SMYD3: variants seen among roughly 807,000 people sequenced by gnomAD.
SMYD3 encodes the protein SET and MYND domain containing 3, also known as histone-lysine N-methyltransferase SMYD3.
SMYD3 carries 36 observed loss-of-function variants against 57.7 expected under a neutral mutation model. The observed-to-expected ratio is 0.62, with a 90% CI of 0.48 to 0.82. The LOEUF (loss-of-function observed/expected upper bound fraction) is 0.82. Among genes scored for constraint, SMYD3 ranks in the 40% least tolerant of loss-of-function variants. The pLI, the probability that SMYD3 is intolerant of heterozygous loss-of-function variation, is 0.00. For missense variants in SMYD3, 515 were observed against 538.8 expected (o/e 0.96, Z 0.44); for synonymous variants, 211 against 195.0 (o/e 1.08, Z -0.68).
chr1:245,902,090 TC>T (rs2054224685), intron 8 of SMYD3, among the ~76,000 whole-genome samples: 1 of 152,044 alleles, frequency 6.6e-6, no homozygotes, highest in South Asian at 2.1e-4. Flanking sequence ...GCCCCTCCAT[TC>T]CACATCCCTG....
intron 5 of SMYD3, among the ~76,000 whole-genome samples, chr1:245,934,326 G>A (rs1224451666): frequency 6.6e-6 from 1 of 152,056 alleles, no homozygotes; most frequent in Non-Finnish European, 1.5e-5. Context: ...CTGCCCCCCG[G>A]CACCCCGACT....
chr1:246,314,807 A>G (rs1409880712), intron 5 of SMYD3, among the ~76,000 whole-genome samples: 1 of 152,218 alleles, frequency 6.6e-6, no homozygotes, highest in Non-Finnish European at 1.5e-5. Context: ...ATCATTAGAC[A>G]AGCTAATCTA....
At chr1:245,768,845 T>G (rs1284388570) in intron 10 of SMYD3, among the ~76,000 whole-genome samples, 1 of 152,064 alleles carries the variant, frequency 6.6e-6, no homozygotes, top group African/African-American at 2.4e-5. Context: ...GCTGGCACCT[T>G]CATCTTGGAT....
At chr1:245,856,354 C>T (rs1188628321) in intron 10 of SMYD3, among the ~76,000 whole-genome samples, 1 of 152,100 alleles carries the variant, frequency 6.6e-6, no homozygotes, top group Non-Finnish European at 1.5e-5. Context: ...CTTGAAATAC[C>T]ACCAAAAAGC....
At position 245,962,387 on chromosome 1, in the gene SMYD3, T is replaced by G. The variant is rs147184564; in HGVS notation, c.532-32450A>C. The stretch of plus-strand genomic sequence containing the variant: ...CCTGATGTTGTCAGAAGTGTAGTTT[T>G]GCGGATGTTGATCCCAGAATTGTGA... On this transcript the variant is annotated intron_variant, in intron 5 of 11. Coordinates refer to ENST00000490107, the MANE Select transcript of SMYD3 (RefSeq NM_001167740.2). 7.2e-4 allele frequency among the ~76,000 whole-genome samples: 110 copies of G among 152,332 alleles called. No homozygotes were observed. In the East Asian group the frequency reaches 0.017, roughly 23 times the overall value.
At position 246,156,000 on chromosome 1, in the gene SMYD3, AT is replaced by A. The variant is rs1420378793; in HGVS notation, c.531+171200del. Among the ~76,000 whole-genome samples the A allele has an allele frequency of 6.6e-4, 101 of 151,976 alleles. 1 individual carries two copies. The highest frequency in any genetic ancestry group is 1.7e-3 in the African/African-American group (70 of 41,454). ...AGACTATGTCTTCAAAAAAAAAAAA[AT>A]ATATCGACCTCTAAGAATCACATTT... is the stretch of plus-strand genomic sequence containing the variant. On this transcript the variant is annotated intron_variant, in intron 5 of 11. Coordinates refer to ENST00000490107, the MANE Select transcript of SMYD3 (RefSeq NM_001167740.2).
chr1:245,842,295 T>C (rs1558410532), intron 10 of SMYD3, among the ~76,000 whole-genome samples: 2 of 152,232 alleles, frequency 1.3e-5, no homozygotes, highest in Admixed American at 6.5e-5. Flanking sequence ...TAAATGTGCA[T>C]ATCTGAAAAC....
chr1:246,499,106 G>A (rs1052349511), intron 1 of SMYD3, among the ~76,000 whole-genome samples: 1 of 151,766 alleles, frequency 6.6e-6, no homozygotes, highest in Non-Finnish European at 1.5e-5. Context: ...CCAGACTTTA[G>A]AGAGACATGA....
intron 2 of SMYD3, among the ~76,000 whole-genome samples, chr1:246,351,823 TTG>T (rs2148700290): frequency 6.6e-6 from 1 of 152,226 alleles, no homozygotes. Flanking sequence ...AAACATATCC[TTG>T]TATTGCTTAT....
At chr1:245,831,455 C>T (rs2049829132) in intron 10 of SMYD3, among the ~76,000 whole-genome samples, 1 of 152,208 alleles carries the variant, frequency 6.6e-6, no homozygotes, top group Non-Finnish European at 1.5e-5. Flanking sequence ...TTCTCATGTG[C>T]TATTCTGCCA....
intron 5 of SMYD3, among the ~76,000 whole-genome samples, chr1:245,989,842 T>C (rs5019956): frequency 0.65 from 99,432 of 152,120 alleles, 35,456 homozygotes; most frequent in Non-Finnish European, 0.8. Context: ...AATGAAATTA[T>C]GTTTTCTATA....
chr1:245,859,298 T>C (rs748478211), intron 9 of SMYD3, among the ~76,000 whole-genome samples: 1 of 152,194 alleles, frequency 6.6e-6, no homozygotes, highest in Non-Finnish European at 1.5e-5. Flanking sequence ...AAATATGTTA[T>C]TTTAAACCCC....
rs930474855 is a variant in SMYD3 at position 245,864,953 on chromosome 1, T to G, written c.814-1067A>C. On this transcript the variant is annotated intron_variant, in intron 8 of 11. Transcript: ENST00000490107. ...ACACTGAAAAAATTCAAAAGAAAAT[T>G]ATGAGCTACCATGTATGAAATGTCT... Among the ~76,000 whole-genome samples, 4 of 152,210 alleles carry G rather than the reference T, an allele frequency of 2.6e-5. 1 individual carries two copies. Among genetic ancestry groups the G allele is most frequent in the Non-Finnish European group, 4.4e-5 (3 of 68,012 alleles).
intron 11 of SMYD3, among the ~76,000 whole-genome samples, chr1:245,758,215 A>G (rs1475282915): frequency 2.0e-5 from 3 of 152,132 alleles, no homozygotes; most frequent in East Asian, 1.9e-4. Flanking sequence ...TAGAAATACA[A>G]CTGATTTTTG....
intron 5 of SMYD3, among the ~76,000 whole-genome samples, chr1:246,260,179 C>T (rs1307325821): frequency 6.6e-6 from 1 of 152,192 alleles, no homozygotes; most frequent in African/African-American, 2.4e-5. Flanking sequence ...GCCTGCAGAC[C>T]TGCCTGGGCT....
chr1:246,083,764 C>A (rs538311467), intron 5 of SMYD3, among the ~76,000 whole-genome samples: 2 of 152,176 alleles, frequency 1.3e-5, no homozygotes, highest in East Asian at 3.9e-4. Flanking sequence ...AACTATGAGC[C>A]CTTTCCCTTA....
chr1:245,911,568 A>G (rs1232159162), intron 8 of SMYD3, among the ~76,000 whole-genome samples: 1 of 152,028 alleles, frequency 6.6e-6, no homozygotes, highest in Non-Finnish European at 1.5e-5. Flanking sequence ...AAAGTAATAA[A>G]ATCCTGTCAT....
intron 5 of SMYD3, among the ~76,000 whole-genome samples, chr1:245,942,425 G>C (rs1002470256): frequency 6.6e-6 from 1 of 152,172 alleles, no homozygotes; most frequent in Admixed American, 6.5e-5. Flanking sequence ...AACAAGAAGA[G>C]CTAACTATCC....
intron 5 of SMYD3, among the ~76,000 whole-genome samples, chr1:246,101,064 GTTTTT>G (rs538220674): frequency 3.8e-5 from 3 of 78,564 alleles, no homozygotes; most frequent in Admixed American, 1.5e-4. Context: ...ATTTTTAGGG[GTTTTT>G]TGTTTTTTTT....
Sources: gnomAD v4.1 joint callset for allele counts (sites outside exome capture counted in the v4.1 genomes callset) on GRCh38, gnomAD v4.1.1 for gene constraint, MANE v1.5 for transcripts, NCBI Gene and HGNC (gene_info 2026-07-23, HGNC 2026-07-21) for gene names.